Variants in RPSA2 observed in about 807,000 individuals in gnomAD.
RPSA2 encodes the protein small ribosomal subunit protein uS2B.
chr19:23,843,430 T>A, the RPSA2 span, among the ~76,000 whole-genome samples: 247 of 152,332 alleles, frequency 1.6e-3, no homozygotes, highest in African/African-American at 5.1e-3. Context: ...TATAGGAGCA[T>A]CTTTTGTCCC....
the RPSA2 span, among the ~76,000 whole-genome samples, chr19:23,792,369 T>G: frequency 6.6e-6 from 1 of 152,198 alleles, no homozygotes; most frequent in East Asian, 1.9e-4. Context: ...GCCTCTATAC[T>G]GAGAGAAACT....
chr19:23,859,492 T>C, the RPSA2 span, among the ~76,000 whole-genome samples: 1 of 152,098 alleles, frequency 6.6e-6, no homozygotes, highest in Non-Finnish European at 1.5e-5. Context: ...GCCAGCGTGG[T>C]GGCACATGCC....
At chr19:23,766,905 C>T in the RPSA2 span, among the ~76,000 whole-genome samples, 1 of 151,856 alleles carries the variant, frequency 6.6e-6, no homozygotes, top group South Asian at 2.1e-4. Context: ...ATTACAAGCG[C>T]CTGCTATCAA....
chr19:23,783,229 G>A, the RPSA2 span, among the ~76,000 whole-genome samples: 1 of 151,868 alleles, frequency 6.6e-6, no homozygotes, highest in South Asian at 2.1e-4. Flanking sequence ...CTGAGTAGCT[G>A]GAATTACAGG....
At chr19:23,774,400 G>T in the RPSA2 span, among the ~76,000 whole-genome samples, 1 of 152,076 alleles carries the variant, frequency 6.6e-6, no homozygotes, top group Non-Finnish European at 1.5e-5. Context: ...ATATCACTTG[G>T]CTCCGTACCA....
the RPSA2 span, among the ~76,000 whole-genome samples, chr19:23,870,154 A>C: frequency 1.2e-4 from 19 of 152,206 alleles, no homozygotes; most frequent in Non-Finnish European, 7.3e-5. Context: ...AGCCTCAGGC[A>C]TCATAATTTT....
the RPSA2 span, among the ~76,000 whole-genome samples, chr19:23,792,918 T>C: frequency 3.3e-5 from 5 of 152,246 alleles, no homozygotes; most frequent in Admixed American, 2.6e-4. Flanking sequence ...AAATTGAGTG[T>C]AATAAAATCA....
At chr19:23,796,717 A>G in the RPSA2 span, among the ~76,000 whole-genome samples, 1 of 151,310 alleles carries the variant, frequency 6.6e-6, no homozygotes, top group Non-Finnish European at 1.5e-5. Flanking sequence ...TTTTTTTTAG[A>G]TTTTCTTGTT....
At chr19:23,845,097 A>G in the RPSA2 span, among the ~76,000 whole-genome samples, 1 of 146,590 alleles carries the variant, frequency 6.8e-6, no homozygotes, top group African/African-American at 2.5e-5. Flanking sequence ...TTGCTGTTGT[A>G]TCCATTGTAA....
chr19:23,804,294 C>CTTTT, the RPSA2 span, among the ~76,000 whole-genome samples: 1 of 142,546 alleles, frequency 7.0e-6, no homozygotes, highest in Non-Finnish European at 1.5e-5. Context: ...CCTCATTTTT[C>CTTTT]TTTTTCTTTT....
chr19:23,802,985 A>G, the RPSA2 span, among the ~76,000 whole-genome samples: 2 of 152,172 alleles, frequency 1.3e-5, no homozygotes, highest in Non-Finnish European at 1.5e-5. Context: ...CTAAAAAACT[A>G]TTTTAGAAAA....
At chr19:23,793,856 G>A in the RPSA2 span, among the ~76,000 whole-genome samples, 3 of 152,066 alleles carry the variant, frequency 2.0e-5, no homozygotes, top group Non-Finnish European at 1.5e-5. Context: ...GAGCCATCCC[G>A]CCAGGCCAAG....
the RPSA2 span, among the ~76,000 whole-genome samples, chr19:23,869,449 C>G: frequency 2.0e-5 from 3 of 152,284 alleles, no homozygotes; most frequent in African/African-American, 7.2e-5. Context: ...GGAATGGATT[C>G]CCTTCAATAG....
the RPSA2 span, among the ~76,000 whole-genome samples, chr19:23,815,764 A>G: frequency 6.6e-6 from 1 of 152,096 alleles, no homozygotes; most frequent in Non-Finnish European, 1.5e-5. Context: ...CTACAATTAT[A>G]TTCTATGTAT....
At chr19:23,824,826 A>ATT in the RPSA2 span, among the ~76,000 whole-genome samples, 16 of 7,586 alleles carry the variant, frequency 2.1e-3, no homozygotes, top group South Asian at 0.19. Flanking sequence ...ATTGGTTAGA[A>ATT]ATTTTTTTTT....
chr19:23,763,021 T>C, the RPSA2 span: 3 of 152,448 alleles, frequency 2.0e-5, no homozygotes, highest in Non-Finnish European at 4.4e-5. Context: ...GGGATCGGTC[T>C]CTTCTGTTCC....
At chr19:23,810,898 T>C in the RPSA2 span, among the ~76,000 whole-genome samples, 2 of 152,168 alleles carry the variant, frequency 1.3e-5, no homozygotes, top group Non-Finnish European at 2.9e-5. Flanking sequence ...AGTCCTGTAG[T>C]TTGCCACCTG....
At chr19:23,860,373 G>A in the RPSA2 span, among the ~76,000 whole-genome samples, 1 of 152,142 alleles carries the variant, frequency 6.6e-6, no homozygotes, top group African/African-American at 2.4e-5. Flanking sequence ...TGGTTTAAAT[G>A]TATATTTCTC....
chr19:23,832,716 C>A, the RPSA2 span: 1 of 1,522,962 alleles, frequency 6.6e-7, no homozygotes, highest in Non-Finnish European at 8.9e-7. Context: ...GAGAGAAACC[C>A]TACAAATGTG....
Sources: allele counts gnomAD v4.1 joint callset (sites outside exome capture counted in the v4.1 genomes callset), GRCh38; gene constraint gnomAD v4.1.1; transcripts MANE v1.5; gene names NCBI Gene and HGNC (gene_info 2026-07-23, HGNC 2026-07-21).